The following REEP1 variants were observed in gnomAD, a reference collection of about 807,000 sequenced individuals.
REEP1 encodes the protein receptor expression-enhancing protein 1.
In REEP1, 22 loss-of-function variants were observed where a neutral mutation model predicts 40.3. The ratio of observed to expected loss-of-function variants is 0.55; its 90% CI spans 0.39 to 0.78. The LOEUF (loss-of-function observed/expected upper bound fraction) is 0.78, where lower values mean the gene tolerates loss of function less well. Among genes scored for constraint, REEP1 ranks in the 30% least tolerant of loss-of-function variants. The pLI is 0.00. For synonymous variants in REEP1, 116 were observed against 139.2 expected (o/e 0.83, Z 1.17); for missense variants, 280 against 361.1 (o/e 0.78, Z 1.82).
At chr2:86,227,524 A>G in intron 6 of REEP1, 126 bp from the exon 7 acceptor site, 1 of 746,896 alleles carries the variant, frequency 1.3e-6, no homozygotes. Context: ...GATCCCAGGA[A>G]GGTGGGTCTC....
intron 5 of REEP1, among the ~76,000 whole-genome samples, chr2:86,250,435 G>A (rs1236731834): frequency 1.3e-5 from 2 of 152,144 alleles, no homozygotes; most frequent in African/African-American, 4.8e-5. Flanking sequence ...GTTCTCTTTT[G>A]TTTCAGCTTA....
intron 5 of REEP1, among the ~76,000 whole-genome samples, chr2:86,245,115 C>A (rs1675863404): frequency 6.6e-6 from 1 of 151,932 alleles, no homozygotes; most frequent in Admixed American, 6.6e-5. Context: ...CCACTGCACT[C>A]CAGCCTGGGC....
intron 1 of REEP1, among the ~76,000 whole-genome samples, chr2:86,326,477 C>T (rs1446207469): frequency 1.3e-5 from 2 of 152,138 alleles, no homozygotes; most frequent in African/African-American, 4.8e-5. Flanking sequence ...CTTTGGGGTG[C>T]CAAGGCGGGC....
intron 1 of REEP1, among the ~76,000 whole-genome samples, chr2:86,326,484 G>T (rs985208322): frequency 6.6e-6 from 1 of 152,080 alleles, no homozygotes; most frequent in Admixed American, 6.5e-5. Flanking sequence ...GTGCCAAGGC[G>T]GGCAGATCAC....
chr2:86,279,734 G>A (rs1677960923), intron 2 of REEP1, among the ~76,000 whole-genome samples: 1 of 152,166 alleles, frequency 6.6e-6, no homozygotes, highest in African/African-American at 2.4e-5. Flanking sequence ...AGGGGCACAA[G>A]CCTAAGAATC....
chr2:86,321,179 TAGA>T (rs886981856), intron 1 of REEP1, among the ~76,000 whole-genome samples: 9 of 152,252 alleles, frequency 5.9e-5, no homozygotes, highest in Admixed American at 5.2e-4. Context: ...ATGAGAGTGC[TAGA>T]AGAAGAGGGG....
At chr2:86,217,870 T>C (rs954893272) in intron 8 of REEP1, among the ~76,000 whole-genome samples, 2 of 151,954 alleles carry the variant, frequency 1.3e-5, no homozygotes, top group Non-Finnish European at 2.9e-5. Flanking sequence ...CAAATGACTC[T>C]CAAGAGACCC....
At chr2:86,235,100 A>G (rs1384542254) in intron 5 of REEP1, among the ~76,000 whole-genome samples, 1 of 152,232 alleles carries the variant, frequency 6.6e-6, no homozygotes, top group Admixed American at 6.5e-5. Flanking sequence ...TTGTTCAACA[A>G]TTACCAAGTA....
In REEP1 at chr2:86,214,725, A is replaced by G. The variant is rs1674010981; in HGVS notation, c.*2314T>C. 6.6e-6 allele frequency: 1 copy of G among 152,654 alleles called. No individual in the cohort carries two copies. The highest frequency in any genetic ancestry group is 2.1e-4 in the South Asian group (1 of 4,834). 9.5% of individuals were successfully genotyped at this position (152,654 alleles called of 1,614,324 possible). A position where few individuals can be genotyped will look rare whatever the true frequency, so the allele number is the denominator to read the frequency against. Reference sequence around the variant, plus strand: ...GTACAGTGAGTGTCTTTAAGAGAGAAACCGACTCCCTAGTCAACACTTGAA... The same window carrying G: ...GTACAGTGAGTGTCTTTAAGAGAGAGACCGACTCCCTAGTCAACACTTGAA... On this transcript the variant is annotated 3_prime_UTR_variant, in exon 9 of 9. Coordinates refer to ENST00000538924, the MANE Select transcript of REEP1 (RefSeq NM_001371279.1).
At chr2:86,253,278 G>A (rs906749183) in intron 4 of REEP1, among the ~76,000 whole-genome samples, 8 of 151,848 alleles carry the variant, frequency 5.3e-5, no homozygotes, top group South Asian at 4.2e-4. Context: ...AAGATTCCGC[G>A]CCCCCCACCC....
At chr2:86,276,376 C>T (rs1448462307) in intron 2 of REEP1, among the ~76,000 whole-genome samples, 1 of 152,234 alleles carries the variant, frequency 6.6e-6, no homozygotes, top group Non-Finnish European at 1.5e-5. Context: ...TACTGCTCTG[C>T]TTCTGGCAGC....
Position 86,232,697 on chromosome 2 carries a change from A to T in REEP1, c.523T>A (p.Ser175Thr). 1 of 1,611,522 alleles carries T rather than the reference A, an allele frequency of 6.2e-7. No homozygotes were observed. Among genetic ancestry groups the T allele is most frequent in the East Asian group, 2.2e-5 (1 of 44,866 alleles). ...CCGTGTTTGCCGCTGGCCCGCCCAG[A>T]CCCCGGTGGTGGGGGGCCCGAGGGA... ...PAPSGPPPPG[S>T]GRASGKHGQP... is the part of the protein sequence containing the mutation. Residue 175 changes from serine to threonine, a missense_variant, in exon 6 of 9, where the codon TCT becomes ACT. Physicochemically the swap from Ser to Thr is moderately conservative, Grantham distance 58. Transcript: ENST00000538924.
intron 2 of REEP1, among the ~76,000 whole-genome samples, chr2:86,272,056 C>T (rs1677484511): frequency 1.3e-5 from 2 of 152,134 alleles, no homozygotes; most frequent in African/African-American, 4.8e-5. Flanking sequence ...AACCCCGTCT[C>T]TGCTAAAAAT....
At chr2:86,229,598 CT>C (rs70956106) in intron 6 of REEP1, among the ~76,000 whole-genome samples, 82 of 114,448 alleles carry the variant, frequency 7.2e-4, no homozygotes, top group African/African-American at 2.1e-3. Flanking sequence ...ACCTGTCTTC[CT>C]TTTTTTTTTT....
intron 2 of REEP1, chr2:86,279,908 C>T (rs531149853): frequency 8.8e-5 from 40 of 454,530 alleles, no homozygotes; most frequent in South Asian, 2.6e-4. Flanking sequence ...ACTAAGTTCA[C>T]GGTAATTTGT....
chr2:86,264,917 T>C (rs552270620), intron 2 of REEP1, among the ~76,000 whole-genome samples: 3 of 152,284 alleles, frequency 2.0e-5, no homozygotes, highest in East Asian at 1.9e-4. Flanking sequence ...CTGCACATCA[T>C]GGGGCAGAGA....
chr2:86,337,258 C>T lies in REEP1; in HGVS notation c.32+221G>A, dbSNP rs1681091369. On this transcript the variant is annotated intron_variant, in intron 1 of 8. Transcript: ENST00000538924. This position sits in a 1 kb window ranked among gnomAD's most constrained non-coding sequence, Gnocchi z 5.8. Reference sequence around the variant, plus strand: ...CTCGCCGTCCCGGCCCAGCCCCCCGCAAGCGGCCGCCGGCGCCGGCTGCCT... The same window carrying T: ...CTCGCCGTCCCGGCCCAGCCCCCCGTAAGCGGCCGCCGGCGCCGGCTGCCT... 1 of 258,012 alleles carries T rather than the reference C, an allele frequency of 3.9e-6. No homozygotes were observed. Among genetic ancestry groups the T allele is most frequent in the African/African-American group, 2.3e-5 (1 of 43,878 alleles). The allele number at this position is 258,012 out of a possible 1,614,324, so 16.0% of individuals were successfully genotyped here. A position where few individuals can be genotyped will look rare whatever the true frequency, so the allele number is the denominator to read the frequency against.
intron 1 of REEP1, among the ~76,000 whole-genome samples, chr2:86,294,808 G>C (rs984431515): frequency 1.3e-5 from 2 of 152,120 alleles, no homozygotes; most frequent in African/African-American, 4.8e-5. Context: ...GAGATGGCTT[G>C]GTTATAAATA....
chr2:86,270,168 T>C (rs1677357981), intron 2 of REEP1, among the ~76,000 whole-genome samples: 1 of 65,746 alleles, frequency 1.5e-5, no homozygotes, highest in Non-Finnish European at 3.5e-5. Context: ...AGTATCATTT[T>C]TCTTTTGTTT....
Sources: allele counts gnomAD v4.1 joint callset (sites outside exome capture counted in the v4.1 genomes callset), GRCh38; gene constraint gnomAD v4.1.1; non-coding constraint Gnocchi (gnomAD v3.1); transcripts MANE v1.5; gene names NCBI Gene and HGNC (gene_info 2026-07-23, HGNC 2026-07-21).